Variants in IP6K2 observed in about 807,000 individuals in gnomAD.
IP6K2 encodes the protein inositol hexakisphosphate kinase 2, also known as ATP:1D-myo-inositol-hexakisphosphate phosphotransferase.
Under a neutral mutation model 43.3 loss-of-function variants are expected in IP6K2, and 9 were observed. The observed-to-expected ratio is 0.21, with a 90% CI of 0.13 to 0.36. IP6K2 has a LOEUF of 0.36. Ranked by LOEUF, IP6K2 falls within the 10% of genes least tolerant of loss-of-function variation. The probability of loss-of-function intolerance (pLI) is 1.00; values close to 1 mark genes in which losing one functional copy is unlikely to be tolerated. For synonymous variants in IP6K2, 209 were observed against 202.4 expected (o/e 1.03, Z -0.28); for missense variants, 332 against 538.4 (o/e 0.62, Z 3.79).
At chr3:48,691,939 G>A (rs972927669) in intron 3 of IP6K2, among the ~76,000 whole-genome samples, 6 of 151,996 alleles carry the variant, frequency 3.9e-5, no homozygotes, top group African/African-American at 9.6e-5. Context: ...TACGCCTCCC[G>A]GTTCTAGAGA....
chr3:48,704,948 A>AC (rs1553644894), intron 1 of IP6K2, among the ~76,000 whole-genome samples: 1 of 144,774 alleles, frequency 6.9e-6, no homozygotes, highest in African/African-American at 2.5e-5. Context: ...AATTTTTCTA[A>AC]TTTTTTTTTT....
chr3:48,705,914 A>T lies in IP6K2; in HGVS notation c.-130-10493T>A, dbSNP rs558561385. On this transcript the variant is annotated intron_variant, in intron 1 of 5. Coordinates refer to ENST00000328631, the MANE Select transcript of IP6K2 (RefSeq NM_016291.4). ...AATAATAAAATAAAATAAAATAAAA[A>T]AAAACAGAAGGACAGGCATAGTGGC... Among the ~76,000 whole-genome samples the T allele has an allele frequency of 4.8e-3, 729 of 150,324 alleles. 8 individuals carry two copies. The highest frequency in any genetic ancestry group is 0.015 in the African/African-American group (632 of 41,136).
At chr3:48,715,482 C>CAG in intron 1 of IP6K2, 2 of 1,534,782 alleles carry the variant, frequency 1.3e-6, no homozygotes, top group Non-Finnish European at 1.7e-6. Context: ...ACTGCTCAGA[C>CAG]AGATACAGGG....
intron 2 of IP6K2, chr3:48,694,157 C>T (rs2078043671): frequency 6.5e-7 from 1 of 1,546,580 alleles, no homozygotes; most frequent in African/African-American, 1.4e-5. Flanking sequence ...ATTCAGGCCA[C>T]ACTTCCCTGT....
intron 1 of IP6K2, among the ~76,000 whole-genome samples, chr3:48,713,518 G>C (rs945204282): frequency 6.6e-6 from 1 of 152,244 alleles, no homozygotes; most frequent in Admixed American, 6.5e-5. Context: ...AGCAACACTA[G>C]AGCCAGATGT....
rs114186476 is a variant in IP6K2, at chr3:48,701,039, T to C, written c.-130-5618A>G. ...TAAAGTTAAACATATACTTATTATA[T>C]ACATAGCAATCCCACTCCTAGGTGT... On this transcript the variant is annotated intron_variant, in intron 1 of 5. Transcript: ENST00000328631. Among the ~76,000 whole-genome samples the C allele has an allele frequency of 8.2e-3, 1,249 of 152,336 alleles. 20 individuals are homozygous for C. The highest frequency in any genetic ancestry group is 0.029 in the African/African-American group (1,206 of 41,564).
chr3:48,693,992 A>T, intron 2 of IP6K2: 28 of 1,361,434 alleles, frequency 2.1e-5, no homozygotes, highest in South Asian at 1.4e-4. Flanking sequence ...GCGCCTTACA[A>T]ACGACTGGCT....
chr3:48,692,178 G>A (rs187450315), intron 3 of IP6K2, among the ~76,000 whole-genome samples: 2 of 152,230 alleles, frequency 1.3e-5, no homozygotes, highest in Non-Finnish European at 1.5e-5. Context: ...ATGTGGTGGT[G>A]GCTTACCGTG....
Position 48,704,763 on chromosome 3 carries a change from G to A in IP6K2, c.-130-9342C>T, listed in dbSNP as rs578063066. ...GCTGGGATTAGAGGCGTGTGCCACC[G>A]CACCGGGCCGTTTATGATACACTTT... On this transcript the variant is annotated intron_variant, in intron 1 of 5. Transcript: ENST00000328631. 1.1e-4 allele frequency among the ~76,000 whole-genome samples: 16 copies of A among 150,276 alleles called. No homozygotes were observed. The South Asian group carries it at 2.1e-3, about 20-fold the overall frequency.
rs2080350062 is a variant in IP6K2, at chr3:48,710,432, TG to T, written c.-131+6724del. Among the ~76,000 whole-genome samples the T allele has an allele frequency of 7.2e-5, 11 of 152,298 alleles. No individual in the cohort carries two copies. In the South Asian group the frequency reaches 2.1e-3, roughly 29 times the overall value. ...TAAGATTGCATTTCAGGACCAGCAGTGAAGGTCAACAAGGTACTTCCAGTTT... is the reference window on the plus strand; with the variant it reads ...TAAGATTGCATTTCAGGACCAGCAGTAAGGTCAACAAGGTACTTCCAGTTT... On this transcript the variant is annotated intron_variant, in intron 1 of 5. Coordinates refer to ENST00000328631, the MANE Select transcript of IP6K2 (RefSeq NM_016291.4).
intron 1 of IP6K2, among the ~76,000 whole-genome samples, chr3:48,702,451 T>C (rs563152492): frequency 0.016 from 2,388 of 145,282 alleles, 68 homozygotes; most frequent in African/African-American, 0.055. Context: ...CACCCCCCCT[T>C]TTTTTTTTTG....
Position 48,691,333 on chromosome 3 carries a change from T to A in IP6K2, c.578A>T (p.Glu193Val), listed in dbSNP as rs1280193094. ...GTACTGGTTCCGATGCTTTGCATTC[T>A]CCTTCATTCTCTGTAACTGTTGCTG... ...CHQQQLQRMK[E>V]NAKHRNQYKF... Residue 193 changes from glutamate (E) to valine (V), a missense_variant, in exon 4 of 6, where the codon GAG becomes GTG. Physicochemically the swap from Glu to Val is moderately radical, Grantham distance 121 (BLOSUM62 -2). Coordinates refer to ENST00000328631, the MANE Select transcript of IP6K2 (RefSeq NM_016291.4). The A allele has an allele frequency of 6.2e-7, 1 of 1,613,924 alleles. No individual in the cohort carries two copies. Among genetic ancestry groups the A allele is most frequent in the Non-Finnish European group, 8.5e-7 (1 of 1,179,864 alleles).
At chr3:48,693,611 C>T (rs1409181795) in intron 2 of IP6K2, 1 of 1,151,186 alleles carries the variant, frequency 8.7e-7, no homozygotes, top group African/African-American at 1.6e-5. Flanking sequence ...ACAGGGGGAA[C>T]ACAGGTTTGC....
At chr3:48,711,846 G>T (rs1365046613) in intron 1 of IP6K2, among the ~76,000 whole-genome samples, 1 of 151,992 alleles carries the variant, frequency 6.6e-6, no homozygotes, top group Admixed American at 6.6e-5. Context: ...GAGTAACTAG[G>T]CAAGTTCTCA....
chr3:48,692,087 C>T (rs780067238), intron 3 of IP6K2, among the ~76,000 whole-genome samples: 6 of 152,082 alleles, frequency 3.9e-5, no homozygotes, highest in Admixed American at 6.5e-5. Flanking sequence ...CCCGCCCTGG[C>T]GTCCTGAAGT....
chr3:48,706,068 ATGG>A (rs2079734329), intron 1 of IP6K2, among the ~76,000 whole-genome samples: 1 of 21,196 alleles, frequency 4.7e-5, no homozygotes, highest in Non-Finnish European at 1.1e-4. Context: ...TTAGCCGTGC[ATGG>A]TGGTGGGCGC....
At chr3:48,709,257 G>A (rs938099895) in intron 1 of IP6K2, among the ~76,000 whole-genome samples, 7 of 152,216 alleles carry the variant, frequency 4.6e-5, no homozygotes, top group African/African-American at 9.6e-5. Context: ...AGGGCATCCC[G>A]GACCTGCCCA....
intron 1 of IP6K2, among the ~76,000 whole-genome samples, chr3:48,705,183 TC>T (rs1440990466): frequency 6.6e-5 from 10 of 151,042 alleles, no homozygotes; most frequent in Admixed American, 5.9e-4. Flanking sequence ...GACCTCGTGA[TC>T]CGCTGCCTCA....
chr3:48,694,597 T>C (rs928982533), intron 2 of IP6K2: 35 of 1,522,002 alleles, frequency 2.3e-5, no homozygotes, highest in East Asian at 1.5e-4. Flanking sequence ...CATATAGCAA[T>C]TTTGGGGACA....
Sources: allele counts gnomAD v4.1 joint callset (sites outside exome capture counted in the v4.1 genomes callset), GRCh38; gene constraint gnomAD v4.1.1; transcripts MANE v1.5; gene names NCBI Gene and HGNC (gene_info 2026-07-23, HGNC 2026-07-21).